Variants in NRG3 observed in about 807,000 individuals in gnomAD.
NRG3 encodes neuregulin 3.
In NRG3, 31 loss-of-function variants were observed where a neutral mutation model predicts 66.9. The ratio of observed to expected loss-of-function variants is 0.46; its 90% CI spans 0.35 to 0.63. The LOEUF (loss-of-function observed/expected upper bound fraction) is 0.63. Among genes scored for constraint, NRG3 ranks in the 20% least tolerant of loss-of-function variants. The pLI is 0.00. For synonymous variants in NRG3, 393 were observed against 359.4 expected (o/e 1.09, Z -1.06); for missense variants, 910 against 878.9 (o/e 1.04, Z -0.45).
At chr10:82,591,047 G>A (rs540600361) in intron 2 of NRG3, among the ~76,000 whole-genome samples, 66 of 152,300 alleles carry the variant, frequency 4.3e-4, no homozygotes, top group African/African-American at 1.3e-3. Context: ...CAAGAGTCCT[G>A]GGGTTTCCCT....
chr10:82,175,697 G>A (rs147556826), intron 1 of NRG3, among the ~76,000 whole-genome samples: 5 of 152,260 alleles, frequency 3.3e-5, no homozygotes, highest in Non-Finnish European at 7.4e-5. Flanking sequence ...TAATTGGACT[G>A]TAAGTCCTTA....
intron 3 of NRG3, among the ~76,000 whole-genome samples, chr10:82,767,744 A>C (rs12763292): frequency 1.3e-5 from 2 of 152,030 alleles, no homozygotes; most frequent in Non-Finnish European, 2.9e-5. Flanking sequence ...GTAAATTCCA[A>C]GATATCAGAT....
intron 1 of NRG3, among the ~76,000 whole-genome samples, chr10:82,139,707 A>G (rs984116318): frequency 1.3e-5 from 2 of 152,176 alleles, no homozygotes; most frequent in African/African-American, 2.4e-5. Flanking sequence ...GTACAGCACT[A>G]TCAAGGTGTA....
At chr10:82,978,849 G>A in intron 7 of NRG3, 101 bp from the exon 8 acceptor site, 1 of 1,215,674 alleles carries the variant, frequency 8.2e-7, no homozygotes, top group East Asian at 2.5e-5. Context: ...AGAATTTGGG[G>A]TGCAGATTCA....
chr10:82,518,295 A>G (rs988969744), intron 2 of NRG3, among the ~76,000 whole-genome samples: 8 of 152,184 alleles, frequency 5.3e-5, no homozygotes, highest in African/African-American at 1.7e-4. Context: ...CCAACAGAAT[A>G]ATTATAGATG....
At chr10:82,350,154 C>G (rs2083340659) in intron 1 of NRG3, among the ~76,000 whole-genome samples, 1 of 152,216 alleles carries the variant, frequency 6.6e-6, no homozygotes, top group Non-Finnish European at 1.5e-5. Flanking sequence ...TTATTAGCCT[C>G]AGGTATGTTC....
intron 2 of NRG3, among the ~76,000 whole-genome samples, chr10:82,513,763 G>A (rs552449305): frequency 1.1e-4 from 16 of 152,134 alleles, no homozygotes; most frequent in Non-Finnish European, 2.2e-4. Flanking sequence ...CTGGGCAATA[G>A]AATGAGACTC....
chr10:82,515,612 A>G (rs1845577982), intron 2 of NRG3, among the ~76,000 whole-genome samples: 1 of 152,234 alleles, frequency 6.6e-6, no homozygotes, highest in South Asian at 2.1e-4. Flanking sequence ...GCAGTGACAC[A>G]TTAGACCTTT....
chr10:82,841,423 T>C (rs1324483818), intron 3 of NRG3, among the ~76,000 whole-genome samples: 2 of 152,184 alleles, frequency 1.3e-5, no homozygotes, highest in African/African-American at 4.8e-5. Context: ...GATTAATTAG[T>C]ATACTGATCT....
At chr10:82,079,538 G>A (rs1048991779) in intron 1 of NRG3, among the ~76,000 whole-genome samples, 1 of 152,112 alleles carries the variant, frequency 6.6e-6, no homozygotes, top group East Asian at 1.9e-4. Context: ...TGTATATTCT[G>A]TGGGTTTTAA....
chr10:82,199,874 A>C (rs1649938), intron 1 of NRG3, among the ~76,000 whole-genome samples: 1 of 149,582 alleles, frequency 6.7e-6, no homozygotes, highest in African/African-American at 2.5e-5. Flanking sequence ...GAGAGTGTGC[A>C]TGTGTGTGTG....
intron 1 of NRG3, among the ~76,000 whole-genome samples, chr10:82,049,768 A>T (rs762277427): frequency 6.6e-6 from 1 of 152,022 alleles, no homozygotes; most frequent in African/African-American, 2.4e-5. Flanking sequence ...TAGCTGCAAT[A>T]GATGGATATG....
intron 1 of NRG3, among the ~76,000 whole-genome samples, chr10:82,043,526 A>G (rs967397386): frequency 6.6e-6 from 1 of 151,968 alleles, no homozygotes; most frequent in African/African-American, 2.4e-5. Flanking sequence ...TTATCAAATA[A>G]TCCCAGTCCT....
intron 1 of NRG3, among the ~76,000 whole-genome samples, chr10:81,939,078 G>A (rs955645724): frequency 6.6e-6 from 1 of 151,914 alleles, no homozygotes; most frequent in Non-Finnish European, 1.5e-5. Context: ...TTTTTCATAT[G>A]TTGAACCATC....
intron 5 of NRG3, among the ~76,000 whole-genome samples, chr10:82,957,808 C>CCCATTGCAACACTTATTT (rs1850206746): frequency 6.6e-6 from 1 of 152,034 alleles, no homozygotes; most frequent in Non-Finnish European, 1.5e-5. Context: ...CGTGTGTATT[C>CCCATTGCAACACTTATTT]CCATTGCAAC....
intron 3 of NRG3, among the ~76,000 whole-genome samples, chr10:82,775,965 A>G (rs2135224995): frequency 6.6e-6 from 1 of 152,272 alleles, no homozygotes; most frequent in Non-Finnish European, 1.5e-5. Context: ...TGAAATATTT[A>G]CACATTGTCA....
chr10:82,674,894 A>T (rs538856442), intron 2 of NRG3, among the ~76,000 whole-genome samples: 11 of 152,012 alleles, frequency 7.2e-5, no homozygotes, highest in African/African-American at 2.7e-4. Context: ...GGGAGAGGGA[A>T]TTATTATCTC....
intron 2 of NRG3, among the ~76,000 whole-genome samples, chr10:82,487,933 T>A (rs2132216410): frequency 6.6e-6 from 1 of 152,354 alleles, no homozygotes; most frequent in South Asian, 2.1e-4. Context: ...ATGGATACAG[T>A]ATTTGTTTAG....
At chr10:81,912,318 C>T (rs1845247186) in intron 1 of NRG3, among the ~76,000 whole-genome samples, 1 of 152,116 alleles carries the variant, frequency 6.6e-6, no homozygotes. Context: ...AACTGCTGGG[C>T]TGAAGTGATC....
Sources: gnomAD v4.1 joint callset for allele counts (sites outside exome capture counted in the v4.1 genomes callset) on GRCh38, gnomAD v4.1.1 for gene constraint, MANE v1.5 for transcripts, NCBI Gene and HGNC (gene_info 2026-07-23, HGNC 2026-07-21) for gene names.